The following PCDH15 variants were observed in gnomAD, a reference collection of about 807,000 sequenced individuals.
PCDH15 encodes protocadherin-15.
Under a neutral mutation model 178.5 loss-of-function variants are expected in PCDH15, and 129 were observed. That is an observed-to-expected ratio of 0.72 (90% CI 0.63 to 0.84). The LOEUF (loss-of-function observed/expected upper bound fraction) is 0.84. Among genes scored for constraint, PCDH15 ranks in the 40% least tolerant of loss-of-function variants. The pLI, the probability that PCDH15 is intolerant of heterozygous loss-of-function variation, is 0.00. For synonymous variants in PCDH15, 800 were observed against 732.0 expected (o/e 1.09, Z -1.50); for missense variants, 2,230 against 2,099.9 (o/e 1.06, Z -1.21).
intron 10 of PCDH15, among the ~76,000 whole-genome samples, chr10:54,203,277 G>A (rs994371008): frequency 3.9e-5 from 6 of 152,138 alleles, no homozygotes; most frequent in African/African-American, 1.4e-4. Flanking sequence ...TACTCTACAA[G>A]TAATAAGCTC....
chr10:54,207,930 C>CTTA (rs2050991653), intron 10 of PCDH15, among the ~76,000 whole-genome samples: 2 of 151,988 alleles, frequency 1.3e-5, no homozygotes, highest in Non-Finnish European at 2.9e-5. Flanking sequence ...CATTAGTGAT[C>CTTA]TTATATAGAG....
At chr10:55,536,799 C>T (rs1326001873) in intron 2 of PCDH15, among the ~76,000 whole-genome samples, 1 of 152,044 alleles carries the variant, frequency 6.6e-6, no homozygotes, top group African/African-American at 2.4e-5. Flanking sequence ...TCTCTCCATA[C>T]TTTTTCATTT....
At chr10:55,627,791 A>C (rs182053501) in intron 1 of PCDH15, 11 of 152,460 alleles carry the variant, frequency 7.2e-5, no homozygotes, top group Non-Finnish European at 1.6e-4. Context: ...TCAGAGACAC[A>C]CAAGGATGGT....
chr10:55,055,289 C>T (rs1197753906), intron 2 of PCDH15, among the ~76,000 whole-genome samples: 2 of 152,162 alleles, frequency 1.3e-5, no homozygotes, highest in African/African-American at 2.4e-5. Flanking sequence ...TTGATTAGCT[C>T]GTTAATTGGA....
intron 18 of PCDH15, among the ~76,000 whole-genome samples, chr10:54,040,388 C>G (rs1003994844): frequency 8.6e-5 from 13 of 152,000 alleles, no homozygotes; most frequent in African/African-American, 3.1e-4. Context: ...CTCTCATTCT[C>G]TCTTGCCTGC....
chr10:55,010,588 G>A (rs1221355097), intron 2 of PCDH15, among the ~76,000 whole-genome samples: 8 of 152,004 alleles, frequency 5.3e-5, no homozygotes, highest in Non-Finnish European at 1.0e-4. Flanking sequence ...AGGCTGAGGT[G>A]GCAACAGGTC....
intron 2 of PCDH15, among the ~76,000 whole-genome samples, chr10:55,061,545 C>T (rs1414531132): frequency 6.6e-6 from 1 of 152,146 alleles, no homozygotes; most frequent in Non-Finnish European, 1.5e-5. Flanking sequence ...CAATCACACT[C>T]CTTGGTATTT....
At chr10:54,795,711 G>A (rs1280433793) in intron 1 of PCDH15, among the ~76,000 whole-genome samples, 3 of 151,796 alleles carry the variant, frequency 2.0e-5, no homozygotes, top group Non-Finnish European at 4.4e-5. Flanking sequence ...TAATACCTGA[G>A]TTTTCCAGGT....
intron 2 of PCDH15, among the ~76,000 whole-genome samples, chr10:55,537,774 G>A (rs527570578): frequency 6.6e-4 from 100 of 152,178 alleles, no homozygotes; most frequent in African/African-American, 2.3e-3. Context: ...TGTTGCTGAT[G>A]TCTCTCCTGA....
At chr10:53,918,886 T>C (rs2083761440) in intron 25 of PCDH15, among the ~76,000 whole-genome samples, 1 of 152,188 alleles carries the variant, frequency 6.6e-6, no homozygotes, top group Non-Finnish European at 1.5e-5. Flanking sequence ...TGGGCTAAAA[T>C]TAAGACGTAG....
chr10:55,350,262 TATATATAC>T (rs1307828160), intron 2 of PCDH15, among the ~76,000 whole-genome samples: 48 of 66,246 alleles, frequency 7.2e-4, no homozygotes, highest in African/African-American at 2.3e-3. Flanking sequence ...TATATATATA[TATATATAC>T]ACACACACAC....
At chr10:54,473,425 T>A (rs1237849667) in intron 3 of PCDH15, among the ~76,000 whole-genome samples, 1 of 151,956 alleles carries the variant, frequency 6.6e-6, no homozygotes, top group Non-Finnish European at 1.5e-5. Context: ...AGAGAAAAAA[T>A]TTAATGGTCA....
intron 11 of PCDH15, among the ~76,000 whole-genome samples, chr10:54,195,027 T>A (rs975442644): frequency 1.9e-4 from 29 of 152,214 alleles, no homozygotes; most frequent in Admixed American, 1.9e-3. Flanking sequence ...CCTTCTGTTC[T>A]CCATTGTAAA....
intron 1 of PCDH15, among the ~76,000 whole-genome samples, chr10:55,207,151 T>C (rs978066462): frequency 3.3e-5 from 5 of 152,134 alleles, no homozygotes; most frequent in African/African-American, 9.7e-5. Context: ...TGAAAAACTT[T>C]GTTATTTATT....
intron 3 of PCDH15, among the ~76,000 whole-genome samples, chr10:54,469,190 A>G (rs1013417103): frequency 1.3e-5 from 2 of 152,108 alleles, no homozygotes; most frequent in Non-Finnish European, 1.5e-5. Flanking sequence ...TCCACCTCCA[A>G]GGTTCAAGCT....
At chr10:53,918,533 CAAG>C (rs2083720554) in intron 25 of PCDH15, among the ~76,000 whole-genome samples, 1 of 152,114 alleles carries the variant, frequency 6.6e-6, no homozygotes, top group Non-Finnish European at 1.5e-5. Flanking sequence ...AAAAGACAGA[CAAG>C]TACAGTTGCC....
At chr10:54,144,162 G>A (rs1182531085) in intron 14 of PCDH15, among the ~76,000 whole-genome samples, 1 of 152,032 alleles carries the variant, frequency 6.6e-6, no homozygotes, top group Non-Finnish European at 1.5e-5. Context: ...GGGTGGCCGT[G>A]AAATCACCTG....
At position 54,527,691 on chromosome 10, in the gene PCDH15, A is replaced by G. The variant is rs529474152; in HGVS notation, c.157+121T>C. 2.4e-5 allele frequency: 15 copies of G among 620,836 alleles called. No individual in the cohort carries two copies. The African/African-American group carries it at 2.6e-4, about 11-fold the overall frequency. The allele number at this position is 620,836 out of a possible 1,614,324, so 38.5% of individuals were successfully genotyped here. ...TAATTTAAACCCATACTGGAGGGGAATTATCCATGGATTTGGGTTGAAACT... is the reference window on the plus strand; with the variant it reads ...TAATTTAAACCCATACTGGAGGGGAGTTATCCATGGATTTGGGTTGAAACT... On this transcript the variant is annotated intron_variant, in intron 3 of 37. Transcript: ENST00000644397.
At chr10:55,617,757 A>G (rs1843508608) in intron 2 of PCDH15, among the ~76,000 whole-genome samples, 2 of 152,066 alleles carry the variant, frequency 1.3e-5, no homozygotes, top group Non-Finnish European at 2.9e-5. Context: ...TGATTACATT[A>G]CATCCTTCAG....
Sources: gnomAD v4.1 joint callset for allele counts (sites outside exome capture counted in the v4.1 genomes callset) on GRCh38, gnomAD v4.1.1 for gene constraint, MANE v1.5 for transcripts, NCBI Gene and HGNC (gene_info 2026-07-23, HGNC 2026-07-21) for gene names.